MAP1B: variants seen among roughly 807,000 people sequenced by gnomAD.
MAP1B encodes microtubule associated protein 1B.
A neutral mutation model predicts 176.1 loss-of-function variants in MAP1B; 12 were observed. That is an observed-to-expected ratio of 0.07 (90% CI 0.04 to 0.11). MAP1B has a LOEUF of 0.11. Among genes scored for constraint, MAP1B ranks in the 10% least tolerant of loss-of-function variants. The pLI is 1.00. For synonymous variants in MAP1B, 1,044 were observed against 1,135.0 expected, an observed-to-expected ratio of 0.92 and a Z score of 1.61; for missense variants, 2,523 against 2,990.5, an observed-to-expected ratio of 0.84 and a Z score of 3.65.
chr5:72,162,910 T>G (rs1041359255), intron 2 of MAP1B, among the ~76,000 whole-genome samples: 1 of 152,128 alleles, frequency 6.6e-6, no homozygotes, highest in Non-Finnish European at 1.5e-5. Flanking sequence ...AAGTTTGTCA[T>G]GAGGGGTCTC....
At chr5:72,117,736 T>C (rs970658693) in intron 2 of MAP1B, among the ~76,000 whole-genome samples, 3 of 152,236 alleles carry the variant, frequency 2.0e-5, no homozygotes, top group African/African-American at 7.2e-5. Context: ...CACAGCATCT[T>C]TACTATTCTT....
At chr5:72,163,227 C>CAAAAAAAAAAAAAAA (rs10608907) in intron 2 of MAP1B, among the ~76,000 whole-genome samples, 15 of 78,124 alleles carry the variant, frequency 1.9e-4, no homozygotes, top group East Asian at 3.6e-4. Context: ...GACTCCATCT[C>CAAAAAAAAAAAAAAA]AAAAAAAAAA....
chr5:72,132,926 C>T (rs1258530435), intron 2 of MAP1B, among the ~76,000 whole-genome samples: 4 of 152,060 alleles, frequency 2.6e-5, no homozygotes, highest in African/African-American at 9.7e-5. Context: ...CCTGAAACTC[C>T]CTGTCCAGGT....
At position 72,196,089 on chromosome 5, in the gene MAP1B, C is replaced by T. The variant is rs755794212; in HGVS notation, c.2734C>T (p.Leu912=). 7.4e-6 allele frequency: 12 copies of T among 1,614,020 alleles called. No individual in the cohort carries two copies. The highest frequency in any genetic ancestry group is 1.3e-5 in the African/African-American group (1 of 74,918). Residue 912 remains leucine, a synonymous_variant, in exon 5 of 7, where the codon CTG becomes TTG. Transcript: ENST00000296755. The surrounding 1 kb of genome is among the most constrained non-coding windows in gnomAD (Gnocchi z 5.3). ...CGAATGTGAACAGACACCTGAGGAG[C>T]TGGAGCCCGTCGAGAAGCAGGGAGT... The part of the protein sequence containing the change: ...EGECEQTPEE[L]EPVEKQGVDD...
intron 1 of MAP1B, 70 bp downstream of exon 1, chr5:72,107,785 CGG>C: frequency 6.6e-7 from 1 of 1,519,560 alleles, no homozygotes; most frequent in South Asian, 1.2e-5. Flanking sequence ...CAGGGCGCGA[CGG>C]TCACTGCGCT....
rs767799011 is a variant in MAP1B, at chr5:72,107,498, CGA to C, written c.-31_-30del. 3.4e-5 allele frequency: 52 copies of C among 1,524,140 alleles called. No individual in the cohort carries two copies. The highest frequency in any genetic ancestry group is 2.2e-4 in the Middle Eastern group (1 of 4,522). 94.4% of individuals were successfully genotyped at this position (1,524,140 alleles called of 1,614,324 possible). ...CCGCAGTGGAGAGGAGCGGCCGGAG[CGA>C]GACACTTCGCCGAGGCACAGCAGCC... On this transcript the variant is annotated 5_prime_UTR_variant, in exon 1 of 7. Transcript: ENST00000296755.
intron 2 of MAP1B, among the ~76,000 whole-genome samples, chr5:72,120,648 G>A (rs1745511300): frequency 6.6e-6 from 1 of 151,770 alleles, no homozygotes; most frequent in Non-Finnish European, 1.5e-5. Context: ...GGATGGTCTC[G>A]ATCTCCTGAC....
chr5:72,108,479 C>G (rs1745184552), intron 1 of MAP1B, among the ~76,000 whole-genome samples: 1 of 152,208 alleles, frequency 6.6e-6, no homozygotes, highest in Non-Finnish European at 1.5e-5. Flanking sequence ...TGAAGGGGGT[C>G]GGTGAGGGAG....
At chr5:72,158,269 A>G (rs1746266279) in intron 2 of MAP1B, among the ~76,000 whole-genome samples, 1 of 151,844 alleles carries the variant, frequency 6.6e-6, no homozygotes, top group African/African-American at 2.4e-5. Flanking sequence ...CAGCCTCCCA[A>G]AGTGCTGGGA....
At position 72,158,360 on chromosome 5, in the gene MAP1B, A is replaced by T. The variant is rs145780255; in HGVS notation, c.287-25383A>T. ...GTAATCTGATGTATTAGTAAGAGAT[A>T]GTGGGAAACTCTAAACGATGCAAAC... On this transcript the variant is annotated intron_variant, in intron 2 of 6. Transcript: ENST00000296755. Among the ~76,000 whole-genome samples the T allele has an allele frequency of 6.8e-4, 104 of 152,228 alleles. 1 individual carries two copies. Among genetic ancestry groups the T allele is most frequent in the African/African-American group, 2.3e-3 (96 of 41,546 alleles).
chr5:72,179,945 C>T, intron 2 of MAP1B: 5 of 985,202 alleles, frequency 5.1e-6, no homozygotes, highest in Non-Finnish European at 4.8e-6. Flanking sequence ...GTTTTGTTTG[C>T]AACTGATGAA....
At chr5:72,123,773 C>T (rs1370531297) in intron 2 of MAP1B, among the ~76,000 whole-genome samples, 9 of 152,122 alleles carry the variant, frequency 5.9e-5, no homozygotes, top group Admixed American at 4.6e-4. Flanking sequence ...CGTGAGCCAC[C>T]GCACCCGGCC....
rs759225010 is a variant in MAP1B at position 72,194,870 on chromosome 5, C to G, written c.1515C>G (p.Leu505=). The G allele has an allele frequency of 9.9e-6, 16 of 1,614,022 alleles. No homozygotes were observed. The highest frequency in any genetic ancestry group is 1.4e-5 in the Non-Finnish European group (16 of 1,180,006). Residue 505 remains leucine (L), a synonymous_variant, in exon 5 of 7, where the codon CTC becomes CTG. Coordinates refer to ENST00000296755, the MANE Select transcript of MAP1B (RefSeq NM_005909.5). This position sits in a 1 kb window ranked among gnomAD's most constrained non-coding sequence, Gnocchi z 7.2. ...ACATCCTGGAAGGGTTGGAAAAGCT[C>G]AAACATCTAGACTTTCTGAAGCAGC... ...QYNILEGLEK[L]KHLDFLKQPL...
At chr5:72,168,711 G>A (rs1330516752) in intron 2 of MAP1B, among the ~76,000 whole-genome samples, 1 of 152,204 alleles carries the variant, frequency 6.6e-6, no homozygotes, top group East Asian at 1.9e-4. Flanking sequence ...AAAGAAGATA[G>A]AAGAGGACAG....
intron 2 of MAP1B, among the ~76,000 whole-genome samples, chr5:72,162,280 T>TA (rs1471100357): frequency 1.3e-5 from 2 of 152,180 alleles, no homozygotes; most frequent in African/African-American, 4.8e-5. Flanking sequence ...TTTTATCCTG[T>TA]AAAAGTAAAA....
chr5:72,118,511 A>T (rs973457978), intron 2 of MAP1B, among the ~76,000 whole-genome samples: 3 of 152,194 alleles, frequency 2.0e-5, no homozygotes, highest in African/African-American at 4.8e-5. Flanking sequence ...TATTACACTT[A>T]TATTCTTGTG....
intron 2 of MAP1B, among the ~76,000 whole-genome samples, chr5:72,172,188 A>T (rs1746555258): frequency 6.6e-6 from 1 of 152,168 alleles, no homozygotes; most frequent in African/African-American, 2.4e-5. Context: ...CTTGAACCTC[A>T]TCCTTTTTGG....
At chr5:72,118,369 T>TA (rs141261152) in intron 2 of MAP1B, among the ~76,000 whole-genome samples, 27 of 150,808 alleles carry the variant, frequency 1.8e-4, no homozygotes, top group East Asian at 1.2e-3. Context: ...ATGGATCCCC[T>TA]AAAAAAAAAT....
chr5:72,113,863 C>T (rs983002335), intron 1 of MAP1B, among the ~76,000 whole-genome samples: 4 of 152,192 alleles, frequency 2.6e-5, no homozygotes, highest in Non-Finnish European at 5.9e-5. Context: ...GACCTCTCAA[C>T]CTGTCAAGCT....
Sources: gnomAD v4.1 joint callset for allele counts (sites outside exome capture counted in the v4.1 genomes callset) on GRCh38, gnomAD v4.1.1 for gene constraint, Gnocchi (gnomAD v3.1) non-coding constraint, MANE v1.5 for transcripts, NCBI Gene and HGNC (gene_info 2026-07-23, HGNC 2026-07-21) for gene names.